CTIF: variants seen among roughly 807,000 people sequenced by gnomAD.
CTIF encodes the protein cap binding complex dependent translation initiation factor, also known as CBP80/20-dependent translation initiation factor.
A neutral mutation model predicts 66.0 loss-of-function variants in CTIF; 21 were observed. The observed-to-expected ratio is 0.32, with a 90% CI of 0.23 to 0.46. CTIF has a LOEUF of 0.46. Ranked by LOEUF, CTIF falls within the 20% of genes least tolerant of loss-of-function variation. The probability of loss-of-function intolerance (pLI) is 1.00; values close to 1 mark genes in which losing one functional copy is unlikely to be tolerated. For synonymous variants in CTIF, 345 were observed against 326.4 expected (o/e 1.06, Z -0.62); for missense variants, 739 against 812.7 (o/e 0.91, Z 1.10).
intron 6 of CTIF, among the ~76,000 whole-genome samples, chr18:48,672,585 C>T (rs773268764): frequency 3.9e-5 from 6 of 152,118 alleles, no homozygotes; most frequent in Non-Finnish European, 7.4e-5. Context: ...CATAGATAAG[C>T]GGGCTTCCTA....
chr18:48,647,899 G>A (rs1219643291), intron 3 of CTIF, among the ~76,000 whole-genome samples: 4 of 152,120 alleles, frequency 2.6e-5, no homozygotes, highest in African/African-American at 9.7e-5. Flanking sequence ...AGAACTTTGG[G>A]GCCTGGGGAG....
chr18:48,548,812 T>A (rs2088816001), intron 1 of CTIF, among the ~76,000 whole-genome samples: 1 of 152,226 alleles, frequency 6.6e-6, no homozygotes, highest in African/African-American at 2.4e-5. Context: ...CTGCAGTGGG[T>A]CTGGCTCTAG....
intron 3 of CTIF, among the ~76,000 whole-genome samples, chr18:48,652,922 T>C (rs1480652825): frequency 6.6e-6 from 1 of 152,170 alleles, no homozygotes; most frequent in African/African-American, 2.4e-5. Flanking sequence ...TTGACAAAAT[T>C]CAACAGCCCT....
chr18:48,698,714 C>T (rs1049844482), intron 6 of CTIF, among the ~76,000 whole-genome samples: 1 of 152,194 alleles, frequency 6.6e-6, no homozygotes, highest in Non-Finnish European at 1.5e-5. Flanking sequence ...GCTCACCTGT[C>T]CCTTTCTTAG....
chr18:48,592,316 C>T (rs2089902335), intron 1 of CTIF, among the ~76,000 whole-genome samples: 2 of 151,884 alleles, frequency 1.3e-5, no homozygotes, highest in South Asian at 4.2e-4. Flanking sequence ...CCAGCCTGAC[C>T]AACATGGAGA....
chr18:48,638,676 C>T (rs1475443196), intron 3 of CTIF, among the ~76,000 whole-genome samples: 1 of 152,242 alleles, frequency 6.6e-6, no homozygotes, highest in African/African-American at 2.4e-5. Flanking sequence ...CAAGGAGCAG[C>T]TCACCCCAAT....
intron 10 of CTIF, among the ~76,000 whole-genome samples, chr18:48,845,499 CCTT>C (rs1323036714): frequency 6.6e-6 from 1 of 152,190 alleles, no homozygotes; most frequent in East Asian, 1.9e-4. Flanking sequence ...CCCTTTTCTT[CCTT>C]CTTTGGGGAT....
chr18:48,651,829 A>G (rs542546107), intron 3 of CTIF, among the ~76,000 whole-genome samples: 5 of 152,290 alleles, frequency 3.3e-5, no homozygotes. Context: ...AAACCACACA[A>G]CTACACAGAA....
At chr18:48,708,245 A>AGACTTTC (rs2092183453) in intron 6 of CTIF, among the ~76,000 whole-genome samples, 20 of 152,228 alleles carry the variant, frequency 1.3e-4, no homozygotes, top group Admixed American at 1.1e-3. Flanking sequence ...TGAGCTGCAC[A>AGACTTTC]TCTGGTGACA....
chr18:48,822,683 G>A (rs1057067918), intron 10 of CTIF, among the ~76,000 whole-genome samples: 3 of 152,122 alleles, frequency 2.0e-5, no homozygotes, highest in Non-Finnish European at 2.9e-5. Context: ...ACTCAGAAGC[G>A]GGATTGCTGG....
chr18:48,692,837 G>C (rs2091950000), intron 6 of CTIF, among the ~76,000 whole-genome samples: 1 of 152,314 alleles, frequency 6.6e-6, no homozygotes, highest in Middle Eastern at 3.4e-3. Context: ...CATGGAGCTT[G>C]ACCCAGGCAT....
intron 10 of CTIF, among the ~76,000 whole-genome samples, chr18:48,850,252 T>C (rs2069172105): frequency 6.6e-6 from 1 of 152,252 alleles, no homozygotes; most frequent in Non-Finnish European, 1.5e-5. Flanking sequence ...CACTTGTTTA[T>C]TTATTCATCT....
intron 3 of CTIF, 32 bp downstream of exon 3, chr18:48,636,717 G>C (rs1568092963): frequency 2.0e-6 from 3 of 1,515,394 alleles, no homozygotes; most frequent in Non-Finnish European, 2.6e-6. Flanking sequence ...CTGTCTGGGG[G>C]TGTCCTATGT....
At chr18:48,567,317 T>G (rs2089300745) in intron 1 of CTIF, 1 of 152,154 alleles carries the variant, frequency 6.6e-6, no homozygotes, top group South Asian at 2.1e-4. Flanking sequence ...AGCACCCTCA[T>G]GATGTGGCAG....
At chr18:48,630,298 G>A (rs974474860) in intron 2 of CTIF, among the ~76,000 whole-genome samples, 1 of 152,244 alleles carries the variant, frequency 6.6e-6, no homozygotes, top group East Asian at 1.9e-4. Flanking sequence ...CTCAGGGTTG[G>A]GGGGGTGGGC....
At chr18:48,626,443 G>A (rs572947383) in intron 2 of CTIF, among the ~76,000 whole-genome samples, 1 of 152,074 alleles carries the variant, frequency 6.6e-6, no homozygotes, top group East Asian at 1.9e-4. Context: ...TGCCTCCCAG[G>A]TTCAAGTGAT....
chr18:48,859,927 C>T lies in CTIF; in HGVS notation c.*368C>T, dbSNP rs2069423839. The T allele has an allele frequency of 4.1e-6, 2 of 491,290 alleles. No individual in the cohort carries two copies. The highest frequency in any genetic ancestry group is 3.9e-5 in the African/African-American group (2 of 51,498). 30.4% of individuals were successfully genotyped at this position (491,290 alleles called of 1,614,324 possible). A position where few individuals can be genotyped will look rare whatever the true frequency, so the allele number is the denominator to read the frequency against. On this transcript the variant is annotated 3_prime_UTR_variant, in exon 12 of 12. Coordinates refer to ENST00000256413, the MANE Select transcript of CTIF (RefSeq NM_014772.3). ...GACTCCTCGGAGACCTTGGCAGCCTCGCACGCCGGGGCACCGCTTGGGTCA... is the reference window on the plus strand; with the variant it reads ...GACTCCTCGGAGACCTTGGCAGCCTTGCACGCCGGGGCACCGCTTGGGTCA...
chr18:48,794,061 T>G (rs1306836849), intron 9 of CTIF, among the ~76,000 whole-genome samples: 1 of 152,050 alleles, frequency 6.6e-6, no homozygotes, highest in Non-Finnish European at 1.5e-5. Flanking sequence ...CTGTACCACC[T>G]TGGGATCCTT....
intron 7 of CTIF, among the ~76,000 whole-genome samples, chr18:48,738,519 A>C (rs1382171335): frequency 1.3e-5 from 2 of 151,570 alleles, no homozygotes; most frequent in African/African-American, 2.4e-5. Context: ...CACCTCGGGG[A>C]CTTTGCACTG....
Sources: gnomAD v4.1 joint callset for allele counts (sites outside exome capture counted in the v4.1 genomes callset) on GRCh38, gnomAD v4.1.1 for gene constraint, MANE v1.5 for transcripts, NCBI Gene and HGNC (gene_info 2026-07-23, HGNC 2026-07-21) for gene names.